GLT8D2: variants seen among roughly 807,000 people sequenced by gnomAD.
GLT8D2 encodes glycosyltransferase 8 domain containing 2, also known as glycosyltransferase 8 domain-containing protein 2.
In GLT8D2, 45 loss-of-function variants were observed where a neutral mutation model predicts 44.5. The observed-to-expected ratio is 1.01, with a 90% CI of 0.80 to 1.30. The LOEUF (loss-of-function observed/expected upper bound fraction) is 1.30. GLT8D2 is among the 50% of genes most tolerant of loss of function. GLT8D2 has a pLI of 0.00. For synonymous variants in GLT8D2, 156 were observed against 157.2 expected, an observed-to-expected ratio of 0.99 and a Z score of 0.06; for missense variants, 400 against 430.4, an observed-to-expected ratio of 0.93 and a Z score of 0.62.
intron 1 of GLT8D2, among the ~76,000 whole-genome samples, chr12:104,062,447 G>T (rs1464222607): frequency 6.6e-6 from 1 of 152,120 alleles, no homozygotes; most frequent in African/African-American, 2.4e-5. Flanking sequence ...GGAGAAGCAT[G>T]CTGAGGTTTA....
chr12:103,990,081 ATATATATATATATATATATATATATAT>A (rs1300909645), intron 10 of GLT8D2, among the ~76,000 whole-genome samples: 2 of 228 alleles, frequency 8.8e-3, no homozygotes, highest in African/African-American at 0.043. Context: ...GTGTACAAAT[ATATATATATATATATATATATATATAT>A]ATATATATAT....
At chr12:104,013,920 A>G (rs1352115432) in intron 4 of GLT8D2, among the ~76,000 whole-genome samples, 1 of 151,976 alleles carries the variant, frequency 6.6e-6, no homozygotes, top group Non-Finnish European at 1.5e-5. Flanking sequence ...TTTTGTGTGC[A>G]TGCAGATGGG....
chr12:104,012,895 C>T (rs1876062067), intron 4 of GLT8D2: 1 of 674,094 alleles, frequency 1.5e-6, no homozygotes, highest in South Asian at 1.6e-5. Context: ...AGAGAAAAGG[C>T]CACGTGAGGA....
chr12:104,013,118 T>C (rs1319627339), intron 4 of GLT8D2, among the ~76,000 whole-genome samples: 1 of 152,236 alleles, frequency 6.6e-6, no homozygotes, highest in Non-Finnish European at 1.5e-5. Context: ...TACAGTACAA[T>C]GATGTTTAGT....
rs202210738 is a variant in GLT8D2 at position 103,997,501 on chromosome 12, A to G, written c.437T>C (p.Ile146Thr). The change falls in exon 7 of 11, where the codon ATC becomes ACC. Residue 146 changes from isoleucine to threonine, a missense_variant. Transcript: ENST00000360814. ...NFVRFYLPLL[I>T]HQHEKVIYLD... ...ATAGATGACTTTCTCGTGTTGGTGG[A>G]TAAGTAGAGGGAGATAAAATCGAAC... 3.8e-5 allele frequency: 62 copies of G among 1,613,898 alleles called. 1 individual carries two copies. In the East Asian group the frequency reaches 1.2e-3, roughly 32 times the overall value.
intron 9 of GLT8D2, 121 bp downstream of exon 9, chr12:103,994,214 G>A: frequency 1.1e-6 from 1 of 882,878 alleles, no homozygotes; most frequent in Non-Finnish European, 1.6e-6. Flanking sequence ...CATTGCCTCT[G>A]TAAGAAAATC....
At chr12:103,995,365 C>T (rs1000972425) in intron 8 of GLT8D2, among the ~76,000 whole-genome samples, 4 of 152,156 alleles carry the variant, frequency 2.6e-5, no homozygotes, top group African/African-American at 2.4e-5. Context: ...TCAGCAACAG[C>T]GACCACCTTT....
upstream of GLT8D2, among the ~76,000 whole-genome samples, chr12:104,050,527 A>C (rs1005065754): frequency 1.3e-5 from 2 of 152,214 alleles, no homozygotes; most frequent in Admixed American, 6.5e-5. Context: ...CAATAATGAC[A>C]AAAGTTTCAG....
At chr12:104,016,755 GAAAGAAAGAAAGAAA>G (rs1876751224) in intron 3 of GLT8D2, among the ~76,000 whole-genome samples, 5 of 100,696 alleles carry the variant, frequency 5.0e-5, no homozygotes, top group East Asian at 3.2e-4. Context: ...AAGAAAGAAA[GAAAGAAAGAAAGAAA>G]GAAAGAAGGA....
chr12:104,048,035 G>A (rs900551626), intron 1 of GLT8D2, among the ~76,000 whole-genome samples: 7 of 152,174 alleles, frequency 4.6e-5, no homozygotes, highest in South Asian at 2.1e-4. Flanking sequence ...TATCAGGCCC[G>A]TTGCAGAAAA....
At position 104,003,231 on chromosome 12, in the gene GLT8D2, C is replaced by A; in HGVS notation, c.188G>T (p.Gly63Val). The A allele has an allele frequency of 6.2e-7, 1 of 1,613,826 alleles. No individual in the cohort carries two copies. The highest frequency in any genetic ancestry group is 1.1e-5 in the South Asian group (1 of 91,070). Residue 63 changes from glycine (G) to valine (V), a missense_variant, in exon 5 of 11, where the codon GGT becomes GTT. Transcript: ENST00000360814. ...GCTATTGATGGCAGCCATAGTGGCA[C>A]CCATCCTCCCTGCTGCAGCACAAAT... ...VVICAAAGRM[G>V]ATMAAINSIY...
upstream of GLT8D2, among the ~76,000 whole-genome samples, chr12:104,052,209 T>G (rs374907192): frequency 1.8e-4 from 27 of 152,320 alleles, 2 homozygotes; most frequent in South Asian, 5.4e-3. Flanking sequence ...GCTACTATAT[T>G]GAGCAGTTCC....
chr12:104,053,553 C>A (rs1475486002), upstream of GLT8D2, among the ~76,000 whole-genome samples: 8 of 152,152 alleles, frequency 5.3e-5, no homozygotes, highest in Admixed American at 1.3e-4. Context: ...AATAAGGACT[C>A]AAGAAATGGA....
chr12:103,995,497 C>T (rs1220026966), intron 8 of GLT8D2, among the ~76,000 whole-genome samples: 1 of 152,202 alleles, frequency 6.6e-6, no homozygotes, highest in African/African-American at 2.4e-5. Flanking sequence ...TAGGTTCAAA[C>T]AGCACAATCT....
intron 5 of GLT8D2, among the ~76,000 whole-genome samples, chr12:104,000,934 A>G (rs1328406812): frequency 6.6e-6 from 1 of 152,228 alleles, no homozygotes; most frequent in Non-Finnish European, 1.5e-5. Flanking sequence ...TAAAAGCAGT[A>G]TGCAAATATA....
At chr12:104,055,079 CAA>C (rs1352115849), upstream of GLT8D2, among the ~76,000 whole-genome samples, 8 of 152,196 alleles carry the variant, frequency 5.3e-5, no homozygotes, top group African/African-American at 1.7e-4. Flanking sequence ...TGAAGGGCAA[CAA>C]GAGAGAGTGG....
chr12:104,021,571 G>C (rs1877635531), intron 1 of GLT8D2, 80 bp from the exon 2 acceptor site: 2 of 152,216 alleles, frequency 1.3e-5, no homozygotes, highest in South Asian at 4.1e-4. Context: ...TTGAGCCCAG[G>C]AGTTGGAGAC....
intron 1 of GLT8D2, among the ~76,000 whole-genome samples, 156 bp downstream of exon 1, chr12:104,049,739 A>G (rs117697463): frequency 0.024 from 3,692 of 152,334 alleles, 68 homozygotes; most frequent in Non-Finnish European, 0.038. Flanking sequence ...GAATGCTACC[A>G]GTTCGGACTG....
chr12:104,034,676 A>G (rs1275126875), intron 1 of GLT8D2, among the ~76,000 whole-genome samples: 1 of 152,252 alleles, frequency 6.6e-6, no homozygotes, highest in Non-Finnish European at 1.5e-5. Flanking sequence ...AGCTCCGCAA[A>G]GCCAGCTGCC....
Sources: gnomAD v4.1 joint callset for allele counts (sites outside exome capture counted in the v4.1 genomes callset) on GRCh38, gnomAD v4.1.1 for gene constraint, MANE v1.5 for transcripts, NCBI Gene and HGNC (gene_info 2026-07-23, HGNC 2026-07-21) for gene names.